Variants in HAUS6 observed in about 807,000 individuals in gnomAD.
The protein encoded by HAUS6 is HAUS augmin like complex subunit 6.
A neutral mutation model predicts 106.8 loss-of-function variants in HAUS6; 80 were observed. That is an observed-to-expected ratio of 0.75 (90% CI 0.63 to 0.90). The LOEUF (loss-of-function observed/expected upper bound fraction) is 0.90. HAUS6 is among the 40% of genes least tolerant of loss of function. The pLI is 0.00. For missense variants in HAUS6, 1,155 were observed against 1,118.1 expected, an observed-to-expected ratio of 1.03 and a Z score of -0.47; for synonymous variants, 356 against 379.1, an observed-to-expected ratio of 0.94 and a Z score of 0.71.
intron 12 of HAUS6, among the ~76,000 whole-genome samples, chr9:19,069,508 G>A (rs968842185): frequency 3.3e-5 from 5 of 151,992 alleles, no homozygotes; most frequent in African/African-American, 9.7e-5. Context: ...GGCCAACATG[G>A]TGAAACCTCA....
intron 2 of HAUS6, among the ~76,000 whole-genome samples, chr9:19,094,684 C>T (rs778450781): frequency 7.2e-5 from 11 of 151,828 alleles, no homozygotes; most frequent in South Asian, 2.1e-4. Context: ...CCCAGCTACT[C>T]GGGAGCTGAG....
intron 1 of HAUS6, among the ~76,000 whole-genome samples, chr9:19,098,426 G>C (rs951540598): frequency 1.8e-5 from 2 of 113,420 alleles, no homozygotes; most frequent in Non-Finnish European, 3.4e-5. Context: ...AAAAGAGCAA[G>C]ACTTCGTCTC....
chr9:19,080,210 G>A (rs1279899524), intron 9 of HAUS6, among the ~76,000 whole-genome samples: 2 of 148,358 alleles, frequency 1.3e-5, no homozygotes, highest in Non-Finnish European at 3.0e-5. Context: ...CTTTCCTAAG[G>A]TTTTAAGATT....
intron 7 of HAUS6, among the ~76,000 whole-genome samples, chr9:19,086,160 A>G (rs1241323784): frequency 1.3e-5 from 2 of 151,740 alleles, no homozygotes; most frequent in Admixed American, 1.3e-4. Flanking sequence ...AAAATACAAA[A>G]ATCAGCTGCA....
chr9:19,095,042 T>A (rs1014849500), intron 2 of HAUS6, among the ~76,000 whole-genome samples: 3 of 151,698 alleles, frequency 2.0e-5, no homozygotes, highest in Non-Finnish European at 4.4e-5. Context: ...ATTAGTAAAT[T>A]AAGCCTGAAA....
At chr9:19,072,438 G>A (rs935663950) in intron 11 of HAUS6, among the ~76,000 whole-genome samples, 3 of 151,274 alleles carry the variant, frequency 2.0e-5, no homozygotes, top group Non-Finnish European at 4.4e-5. Context: ...GCTTGAACCC[G>A]GGAGGCAGAG....
chr9:19,060,596 G>C (rs895218010), intron 14 of HAUS6, among the ~76,000 whole-genome samples: 1 of 152,170 alleles, frequency 6.6e-6, no homozygotes, highest in Admixed American at 6.5e-5. Flanking sequence ...AGTTTTAAAG[G>C]AAGCAGACTC....
chr9:19,102,263 G>C (rs371499364), intron 1 of HAUS6, among the ~76,000 whole-genome samples: 1 of 152,198 alleles, frequency 6.6e-6, no homozygotes, highest in Non-Finnish European at 1.5e-5. Flanking sequence ...GAGTTAAGCT[G>C]CTCCTCCAGT....
In HAUS6 at chr9:19,070,311, T is replaced by A; in HGVS notation, c.1295-11A>T. ...GTTGCTTATGTGCATCTAAAGAAAT[T>A]TAAAAATTGGTTACTCTTTAATTAT... On this transcript the variant is annotated splice_polypyrimidine_tract_variant and intron_variant, in intron 11 of 16. Coordinates refer to ENST00000380502, the MANE Select transcript of HAUS6 (RefSeq NM_017645.5). 1.4e-6 allele frequency: 2 copies of A among 1,444,594 alleles called. No homozygotes were observed. Among genetic ancestry groups the A allele is most frequent in the Non-Finnish European group, 9.7e-7 (1 of 1,028,566 alleles). The allele number at this position is 1,444,594 out of a possible 1,614,324, so 89.5% of individuals were successfully genotyped here. A position where few individuals can be genotyped will look rare whatever the true frequency, so the allele number is the denominator to read the frequency against.
At chr9:19,089,314 G>C (rs1166885724) in intron 5 of HAUS6, 98 bp downstream of exon 5, 5 of 749,452 alleles carry the variant, frequency 6.7e-6, no homozygotes, top group African/African-American at 3.5e-5. Context: ...TAACCGCCAA[G>C]GTTTTCAGGT....
At chr9:19,094,437 T>G in intron 2 of HAUS6, 42 bp from the exon 3 acceptor site, 1 of 1,098,652 alleles carries the variant, frequency 9.1e-7, no homozygotes, top group Non-Finnish European at 1.3e-6. Flanking sequence ...TGCACAACAA[T>G]AGCCAAAAAA....
At chr9:19,074,262 A>T (rs1425160908) in intron 11 of HAUS6, among the ~76,000 whole-genome samples, 1 of 152,144 alleles carries the variant, frequency 6.6e-6, no homozygotes, top group Admixed American at 6.6e-5. Context: ...AATCAAAAAA[A>T]TTTAAGAAAA....
At position 19,087,090 on chromosome 9, in the gene HAUS6, C is replaced by A. The variant is rs1311293223; in HGVS notation, c.650+1G>T. ...AACTTCTAGCTCTAAAAGTCACTTA[C>A]TTCTTTATTTGGTTTTCCAATCCTA... On this transcript the variant is annotated splice_donor_variant, in intron 6 of 16. Coordinates refer to ENST00000380502, the MANE Select transcript of HAUS6 (RefSeq NM_017645.5). LOFTEE classifies it high-confidence loss of function. The A allele has an allele frequency of 7.0e-7, 1 of 1,424,264 alleles. No individual in the cohort carries two copies. 88.2% of individuals were successfully genotyped at this position (1,424,264 alleles called of 1,614,324 possible).
At chr9:19,099,773 G>A (rs908197011) in intron 1 of HAUS6, among the ~76,000 whole-genome samples, 22 of 152,294 alleles carry the variant, frequency 1.4e-4, no homozygotes, top group African/African-American at 5.1e-4. Context: ...ACTTTGGCAG[G>A]GTGCAGTGGC....
chr9:19,078,016 A>C (rs1014787476), intron 10 of HAUS6, among the ~76,000 whole-genome samples, 160 bp downstream of exon 10: 3 of 151,666 alleles, frequency 2.0e-5, no homozygotes, highest in African/African-American at 7.3e-5. Flanking sequence ...AGCTATGATC[A>C]TGCCACCGTA....
intron 1 of HAUS6, among the ~76,000 whole-genome samples, chr9:19,097,311 G>C (rs908936479): frequency 1.4e-4 from 21 of 152,090 alleles, no homozygotes; most frequent in Admixed American, 1.2e-3. Flanking sequence ...GAGTGAACAG[G>C]CAACCTACGG....
intron 5 of HAUS6, 139 bp downstream of exon 5, chr9:19,089,267 AAAGAAG>A (rs202172565): frequency 6.6e-6 from 4 of 605,404 alleles, no homozygotes; most frequent in South Asian, 2.1e-5. Context: ...GGAAAAAAAA[AAAGAAG>A]AAGAAGTTAT....
intron 7 of HAUS6, among the ~76,000 whole-genome samples, chr9:19,083,383 C>T (rs1194598817): frequency 1.3e-5 from 2 of 152,116 alleles, no homozygotes; most frequent in Non-Finnish European, 2.9e-5. Flanking sequence ...GCTGGGACTA[C>T]AGGCACGCAC....
intron 6 of HAUS6, 108 bp downstream of exon 6, chr9:19,086,983 A>G (rs1460451089): frequency 3.0e-6 from 2 of 670,358 alleles, no homozygotes; most frequent in East Asian, 5.2e-5. Flanking sequence ...TCATCTGGCT[A>G]TTGATATATT....
Sources: gnomAD v4.1 joint callset for allele counts (sites outside exome capture counted in the v4.1 genomes callset) on GRCh38, gnomAD v4.1.1 for gene constraint, MANE v1.5 for transcripts, NCBI Gene and HGNC (gene_info 2026-07-23, HGNC 2026-07-21) for gene names.